The following SOX6 variants were observed in gnomAD, a reference collection of about 807,000 sequenced individuals.
SOX6 encodes SRY-box transcription factor 6.
In SOX6, 11 loss-of-function variants were observed where a neutral mutation model predicts 97.8. The ratio of observed to expected loss-of-function variants is 0.11; its 90% CI spans 0.07 to 0.19. The LOEUF is 0.19. SOX6 is among the 10% of genes least tolerant of loss of function. The pLI is 1.00. For missense variants in SOX6, 810 were observed against 1,039.5 expected (o/e 0.78, Z 3.04); for synonymous variants, 360 against 371.4 (o/e 0.97, Z 0.35).
intron 1 of SOX6, among the ~76,000 whole-genome samples, chr11:16,738,239 T>C (rs1848409322): frequency 6.6e-6 from 1 of 151,630 alleles, no homozygotes; most frequent in South Asian, 2.1e-4. Context: ...AGAAGCCATT[T>C]TTGGTTAAGG....
chr11:16,184,390 A>G lies in SOX6; in HGVS notation c.709-436T>C, dbSNP rs943973637. Among the ~76,000 whole-genome samples, 18 of 152,298 alleles carry G rather than the reference A, an allele frequency of 1.2e-4. 1 individual carries two copies. The highest frequency in any genetic ancestry group is 1.1e-3 in the Admixed American group (17 of 15,280). ...CTATGTTGGCAAAACCTTTCCTGATACAAAGATTTTCAGAACTGATACATT... is the reference window on the plus strand; with the variant it reads ...CTATGTTGGCAAAACCTTTCCTGATGCAAAGATTTTCAGAACTGATACATT... On this transcript the variant is annotated intron_variant, in intron 5 of 15. Transcript: ENST00000683767.
intron 6 of SOX6, among the ~76,000 whole-genome samples, chr11:16,113,178 C>A (rs933400993): frequency 6.6e-6 from 1 of 152,094 alleles, no homozygotes; most frequent in Non-Finnish European, 1.5e-5. Flanking sequence ...CTGTGTAGGT[C>A]TAAGAGGTTT....
chr11:16,303,678 G>T (rs1855333823), intron 3 of SOX6, among the ~76,000 whole-genome samples: 1 of 152,082 alleles, frequency 6.6e-6, no homozygotes, highest in Non-Finnish European at 1.5e-5. Context: ...GATTTTGAAA[G>T]GAACTGCATA....
intron 4 of SOX6, among the ~76,000 whole-genome samples, chr11:16,487,810 G>T (rs10832618): frequency 0.59 from 89,479 of 151,872 alleles, 26,848 homozygotes; most frequent in East Asian, 0.95. Flanking sequence ...TCAGTACCAC[G>T]CCCTCTTAAC....
chr11:16,658,805 A>G (rs773621590), intron 3 of SOX6, among the ~76,000 whole-genome samples: 1 of 152,248 alleles, frequency 6.6e-6, no homozygotes, highest in Non-Finnish European at 1.5e-5. Context: ...TGAAAGCCCT[A>G]AAATTAATCC....
chr11:16,729,853 CA>C (rs1264493298), intron 2 of SOX6, among the ~76,000 whole-genome samples: 1 of 151,408 alleles, frequency 6.6e-6, no homozygotes, highest in East Asian at 1.9e-4. Flanking sequence ...CACATAGGCT[CA>C]AAATAAAGGG....
chr11:16,411,183 C>CTCTG, intron 1 of SOX6, among the ~76,000 whole-genome samples: 1 of 152,090 alleles, frequency 6.6e-6, no homozygotes, highest in East Asian at 1.9e-4. Flanking sequence ...AATCTACTAC[C>CTCTG]TCTGAGAAAC....
At chr11:16,141,694 C>T (rs1175950063) in intron 6 of SOX6, among the ~76,000 whole-genome samples, 1 of 152,172 alleles carries the variant, frequency 6.6e-6, no homozygotes, top group East Asian at 1.9e-4. Flanking sequence ...AAACGGCACA[C>T]CAGGAGATTA....
intron 1 of SOX6, among the ~76,000 whole-genome samples, chr11:16,471,536 G>A (rs1013477726): frequency 6.6e-6 from 1 of 152,186 alleles, no homozygotes; most frequent in African/African-American, 2.4e-5. Flanking sequence ...CAAATAAGCA[G>A]TTGTAGGACA....
chr11:16,287,794 C>T (rs940073420), intron 3 of SOX6, among the ~76,000 whole-genome samples: 1 of 152,056 alleles, frequency 6.6e-6, no homozygotes, highest in African/African-American at 2.4e-5. Context: ...ACAACAAAGT[C>T]AAGCCATTAC....
At chr11:16,544,575 T>C (rs563635751) in intron 4 of SOX6, among the ~76,000 whole-genome samples, 113 of 152,268 alleles carry the variant, frequency 7.4e-4, no homozygotes, top group Non-Finnish European at 1.3e-3. Flanking sequence ...GTGGTTTTGT[T>C]TTTGGAGTGA....
At chr11:16,081,678 T>G (rs1307588380) in intron 9 of SOX6, among the ~76,000 whole-genome samples, 1 of 152,170 alleles carries the variant, frequency 6.6e-6, no homozygotes, top group Non-Finnish European at 1.5e-5. Context: ...TTCTGTCACT[T>G]CTTATGTGTT....
In SOX6 at chr11:16,189,417, A is replaced by ATG. The variant is rs774040758; in HGVS notation, c.536-2464_536-2463dup. Among the ~76,000 whole-genome samples the ATG allele has an allele frequency of 7.1e-3, 282 of 39,452 alleles. No homozygotes were observed. In the East Asian group the frequency reaches 0.21, roughly 30 times the overall value. 25.9% of individuals were successfully genotyped at this position (39,452 alleles called of 152,430 possible). On this transcript the variant is annotated intron_variant, in intron 4 of 15. Transcript: ENST00000683767. The stretch of plus-strand genomic sequence containing the variant: ...ATAGGCAAAGGTCATGTGTGTGTGC[A>ATG]TGTGTGTGTGTGTGTGTGTGTGTAC...
chr11:16,486,044 G>A (rs1307285459), intron 4 of SOX6, among the ~76,000 whole-genome samples: 2 of 140,682 alleles, frequency 1.4e-5, no homozygotes, highest in Non-Finnish European at 1.5e-5. Flanking sequence ...CTTTATAAAG[G>A]TATTTTACAA....
At chr11:16,053,790 G>A (rs1564928429) in intron 10 of SOX6, among the ~76,000 whole-genome samples, 2 of 152,080 alleles carry the variant, frequency 1.3e-5, no homozygotes, top group Admixed American at 6.6e-5. Context: ...AAGTAGTCAT[G>A]TTATATACAG....
At chr11:16,168,343 A>T (rs1158870275) in intron 6 of SOX6, among the ~76,000 whole-genome samples, 1 of 152,150 alleles carries the variant, frequency 6.6e-6, no homozygotes, top group African/African-American at 2.4e-5. Flanking sequence ...AAGAAATGAT[A>T]TTGTTCATTT....
Position 16,255,748 on chromosome 11 carries a change from T to G in SOX6, c.446-21077A>C, listed in dbSNP as rs931059085. Among the ~76,000 whole-genome samples the G allele has an allele frequency of 2.7e-5, 4 of 149,122 alleles. No individual in the cohort carries two copies. The South Asian group carries it at 8.5e-4, about 32-fold the overall frequency. ...AAACTAGACCTGAAGTCAACAGAAC[T>G]GAAAACAGGAAATCAAAAAAGAAAG... On this transcript the variant is annotated intron_variant, in intron 3 of 15. Transcript: ENST00000683767.
At chr11:16,121,721 T>C (rs1396911103) in intron 6 of SOX6, among the ~76,000 whole-genome samples, 1 of 152,058 alleles carries the variant, frequency 6.6e-6, no homozygotes, top group Non-Finnish European at 1.5e-5. Context: ...GTCAGATTTC[T>C]TTATAAAATG....
intron 9 of SOX6, among the ~76,000 whole-genome samples, chr11:16,083,815 A>G (rs1309226576): frequency 1.3e-5 from 2 of 152,050 alleles, no homozygotes; most frequent in African/African-American, 4.8e-5. Flanking sequence ...CAACTTCCCT[A>G]TGGGGGTATT....
Sources: gnomAD v4.1 joint callset for allele counts (sites outside exome capture counted in the v4.1 genomes callset) on GRCh38, gnomAD v4.1.1 for gene constraint, MANE v1.5 for transcripts, NCBI Gene and HGNC (gene_info 2026-07-23, HGNC 2026-07-21) for gene names.